Variants in STAU2 observed in about 807,000 individuals in gnomAD.
STAU2 encodes the protein staufen double-stranded RNA binding protein 2, also known as double-stranded RNA-binding protein Staufen homolog 2.
A neutral mutation model predicts 65.9 loss-of-function variants in STAU2; 20 were observed. The observed-to-expected ratio is 0.30, with a 90% CI of 0.21 to 0.44. STAU2 has a LOEUF of 0.44. Among genes scored for constraint, STAU2 ranks in the 20% least tolerant of loss-of-function variants. The pLI is 1.00. For missense variants in STAU2, 558 were observed against 683.9 expected, an observed-to-expected ratio of 0.82 and a Z score of 2.05; for synonymous variants, 232 against 233.9, an observed-to-expected ratio of 0.99 and a Z score of 0.07.
intron 6 of STAU2, among the ~76,000 whole-genome samples, chr8:73,649,967 C>T (rs1251681066): frequency 7.0e-6 from 1 of 143,394 alleles, no homozygotes; most frequent in African/African-American, 2.6e-5. Flanking sequence ...CTAACATTAG[C>T]AACTGACAAA....
At chr8:73,426,688 G>A (rs1167792564) in intron 13 of STAU2, among the ~76,000 whole-genome samples, 5 of 152,044 alleles carry the variant, frequency 3.3e-5, no homozygotes, top group African/African-American at 4.8e-5. Flanking sequence ...CATATACCAT[G>A]GTTTTTTGTC....
Position 73,613,864 on chromosome 8 carries a change from T to C in STAU2, c.771A>G (p.Lys257=), listed in dbSNP as rs1259789442. The stretch of plus-strand genomic sequence containing the variant: ...TCGCAGCGCGCTTCTTGGAGAGTTT[T>C]TTGCTATTTCCTTCTCCTTCTGCAG... ...EFSAEGEGNS[K]KLSKKRAATT... is the part of the protein sequence containing the mutation. The change falls in exon 9 of 15, where the codon AAA becomes AAG. Residue 257 remains lysine (K), a synonymous_variant. Coordinates refer to ENST00000524300, the MANE Select transcript of STAU2 (RefSeq NM_001164380.2). 2 of 1,613,844 alleles carry C rather than the reference T, an allele frequency of 1.2e-6. No homozygotes were observed. The highest frequency in any genetic ancestry group is 3.3e-5 in the Admixed American group (2 of 59,992).
intron 13 of STAU2, among the ~76,000 whole-genome samples, chr8:73,521,112 CCTTT>C (rs1823016431): frequency 6.6e-6 from 1 of 152,018 alleles, no homozygotes; most frequent in South Asian, 2.1e-4. Context: ...GAAGGCTTTC[CCTTT>C]CTTAGTTCTA....
At chr8:73,636,394 CAT>C (rs549781169) in intron 6 of STAU2, among the ~76,000 whole-genome samples, 37 of 151,736 alleles carry the variant, frequency 2.4e-4, no homozygotes, top group Non-Finnish European at 4.9e-4. Context: ...CACACACACA[CAT>C]ACACACACTT....
intron 13 of STAU2, among the ~76,000 whole-genome samples, chr8:73,425,128 T>C (rs1305727906): frequency 6.6e-6 from 1 of 152,186 alleles, no homozygotes; most frequent in Non-Finnish European, 1.5e-5. Context: ...AATTGTGCTC[T>C]TCCCCCAAAT....
intron 6 of STAU2, chr8:73,669,049 G>C (rs902392690): frequency 5.4e-6 from 3 of 553,796 alleles, no homozygotes; most frequent in African/African-American, 6.2e-5. Context: ...TTCTGACAAG[G>C]AAAAGACATC....
intron 5 of STAU2, among the ~76,000 whole-genome samples, chr8:73,685,827 A>G (rs1355989020): frequency 6.6e-6 from 1 of 152,214 alleles, no homozygotes; most frequent in Admixed American, 6.5e-5. Context: ...AAAATAAGTC[A>G]TTATATGAAA....
chr8:73,546,599 T>C (rs1056067127), intron 13 of STAU2, among the ~76,000 whole-genome samples: 3 of 152,338 alleles, frequency 2.0e-5, no homozygotes, highest in African/African-American at 4.8e-5. Context: ...GCCCCTGTTA[T>C]GTCAGAGCAA....
At chr8:73,586,585 C>A (rs1366247152) in intron 11 of STAU2, among the ~76,000 whole-genome samples, 3 of 137,568 alleles carry the variant, frequency 2.2e-5, no homozygotes, top group African/African-American at 8.2e-5. Flanking sequence ...TCAGAAGACA[C>A]ATCCAGGGTT....
At chr8:73,428,095 G>A (rs1349180955) in intron 13 of STAU2, among the ~76,000 whole-genome samples, 1 of 152,134 alleles carries the variant, frequency 6.6e-6, no homozygotes, top group African/African-American at 2.4e-5. Context: ...TTATCTGACT[G>A]AGACTTTGTA....
chr8:73,571,250 A>T (rs951376031), intron 12 of STAU2, among the ~76,000 whole-genome samples: 5 of 152,078 alleles, frequency 3.3e-5, no homozygotes, highest in African/African-American at 4.8e-5. Context: ...ATAAAGCAAG[A>T]CCTTAGAGAC....
chr8:73,687,448 A>G (rs1392426760), intron 5 of STAU2, among the ~76,000 whole-genome samples: 2 of 137,068 alleles, frequency 1.5e-5, no homozygotes, highest in African/African-American at 5.4e-5. Flanking sequence ...TAATATATAA[A>G]TATATAATAT....
chr8:73,478,577 T>C (rs1011485860), intron 13 of STAU2, among the ~76,000 whole-genome samples: 2 of 152,170 alleles, frequency 1.3e-5, no homozygotes, highest in Non-Finnish European at 2.9e-5. Flanking sequence ...TCAAGTCACT[T>C]GATAGCTAGA....
chr8:73,734,234 T>TTG (rs1806270083), intron 3 of STAU2, among the ~76,000 whole-genome samples: 1 of 22,332 alleles, frequency 4.5e-5, no homozygotes, highest in African/African-American at 1.1e-4. Flanking sequence ...TCAGGGTTTG[T>TTG]TTTTTTTTTT....
At chr8:73,692,715 G>A (rs1222606976) in intron 4 of STAU2, among the ~76,000 whole-genome samples, 1 of 152,192 alleles carries the variant, frequency 6.6e-6, no homozygotes, top group Non-Finnish European at 1.5e-5. Context: ...GAGCAGTGTT[G>A]TGGGACTGAG....
At chr8:73,551,821 G>C in intron 13 of STAU2, 191 bp downstream of exon 13, 1 of 1,269,680 alleles carries the variant, frequency 7.9e-7, no homozygotes, top group Non-Finnish European at 9.9e-7. Context: ...TTACTAGATA[G>C]ATCAAAAATA....
intron 3 of STAU2, among the ~76,000 whole-genome samples, chr8:73,711,131 CAAAAAAAAAAAAA>C (rs751087630): frequency 1.9e-4 from 6 of 31,096 alleles, no homozygotes; most frequent in Admixed American, 7.3e-4. Flanking sequence ...AAGTGGCTTG[CAAAAAAAAAAAAA>C]AAAAAAAAAA....
At chr8:73,440,878 C>G (rs1450068374) in intron 13 of STAU2, 2 of 152,328 alleles carry the variant, frequency 1.3e-5, no homozygotes, top group Non-Finnish European at 2.9e-5. Context: ...CCTCGTGCTC[C>G]CAGCCCACGG....
At chr8:73,732,071 C>T (rs1378288583) in intron 3 of STAU2, among the ~76,000 whole-genome samples, 4 of 152,202 alleles carry the variant, frequency 2.6e-5, no homozygotes, top group African/African-American at 9.7e-5. Context: ...AGGTTGCAGT[C>T]AAGATGTCAG....
Sources: gnomAD v4.1 joint callset for allele counts (sites outside exome capture counted in the v4.1 genomes callset) on GRCh38, gnomAD v4.1.1 for gene constraint, MANE v1.5 for transcripts, NCBI Gene and HGNC (gene_info 2026-07-23, HGNC 2026-07-21) for gene names.